HS3ST2: variants seen among roughly 807,000 people sequenced by gnomAD.
The protein encoded by HS3ST2 is heparan sulfate glucosamine 3-O-sulfotransferase 2.
A neutral mutation model predicts 26.3 loss-of-function variants in HS3ST2; 17 were observed. The ratio of observed to expected loss-of-function variants is 0.65; its 90% CI spans 0.44 to 0.97. The LOEUF is 0.97. Ranked by LOEUF, HS3ST2 falls within the 50% of genes least tolerant of loss-of-function variation. The pLI is 0.00. For missense variants in HS3ST2, 402 were observed against 501.2 expected, an observed-to-expected ratio of 0.80 and a Z score of 1.89; for synonymous variants, 237 against 219.2, an observed-to-expected ratio of 1.08 and a Z score of -0.72.
chr16:22,836,145 GA>G (rs1596608704), intron 1 of HS3ST2, among the ~76,000 whole-genome samples: 2 of 151,958 alleles, frequency 1.3e-5, no homozygotes, highest in African/African-American at 4.8e-5. Context: ...TTATGATACT[GA>G]AAAAAAGGAT....
intron 1 of HS3ST2, among the ~76,000 whole-genome samples, chr16:22,833,833 A>G (rs1285368223): frequency 6.6e-6 from 1 of 152,190 alleles, no homozygotes; most frequent in African/African-American, 2.4e-5. Context: ...TAAGCAAACA[A>G]AAAATAAAGA....
chr16:22,861,641 T>C (rs1442654466), intron 1 of HS3ST2, among the ~76,000 whole-genome samples: 1 of 152,066 alleles, frequency 6.6e-6, no homozygotes, highest in African/African-American at 2.4e-5. Flanking sequence ...CAATTTTTAA[T>C]CCAGAGCTGG....
intron 1 of HS3ST2, among the ~76,000 whole-genome samples, chr16:22,891,364 C>A (rs1392647310): frequency 6.6e-6 from 1 of 152,058 alleles, no homozygotes; most frequent in Admixed American, 6.5e-5. Context: ...TTATTTTATC[C>A]CCTTTAATGG....
At chr16:22,832,886 G>T (rs1901195343) in intron 1 of HS3ST2, among the ~76,000 whole-genome samples, 1 of 151,890 alleles carries the variant, frequency 6.6e-6, no homozygotes, top group African/African-American at 2.4e-5. Context: ...CATTCCTGTT[G>T]CTCACCCCAC....
At chr16:22,881,160 T>C (rs1376387188) in intron 1 of HS3ST2, among the ~76,000 whole-genome samples, 1 of 152,216 alleles carries the variant, frequency 6.6e-6, no homozygotes, top group Non-Finnish European at 1.5e-5. Context: ...ACTTCCCTCG[T>C]CTGAAAAGTA....
chr16:22,819,752 A>G (rs560919714), intron 1 of HS3ST2, among the ~76,000 whole-genome samples: 1 of 152,370 alleles, frequency 6.6e-6, no homozygotes, highest in African/African-American at 2.4e-5. Context: ...AAGACAGAAT[A>G]TTTGCCCCAG....
chr16:22,905,003 C>A (rs914893985), intron 1 of HS3ST2, among the ~76,000 whole-genome samples: 1 of 152,162 alleles, frequency 6.6e-6, no homozygotes, highest in Non-Finnish European at 1.5e-5. Flanking sequence ...GTTTTAAGAA[C>A]CAGTTTCTTG....
At chr16:22,887,934 C>A (rs1902083357) in intron 1 of HS3ST2, among the ~76,000 whole-genome samples, 1 of 152,126 alleles carries the variant, frequency 6.6e-6, no homozygotes, top group Non-Finnish European at 1.5e-5. Context: ...ATTCTGGAGA[C>A]TTCATAAGCC....
intron 1 of HS3ST2, among the ~76,000 whole-genome samples, chr16:22,821,614 G>C (rs1476264152): frequency 1.3e-5 from 2 of 152,052 alleles, no homozygotes; most frequent in African/African-American, 2.4e-5. Context: ...GGGACTCACT[G>C]TCTCTGCTGG....
At chr16:22,823,524 T>A (rs925400087) in intron 1 of HS3ST2, among the ~76,000 whole-genome samples, 3 of 151,050 alleles carry the variant, frequency 2.0e-5, no homozygotes, top group Non-Finnish European at 4.4e-5. Flanking sequence ...CTGGGTGCGG[T>A]GGTAATGCCA....
chr16:22,818,885 CATT>C (rs1465464766), intron 1 of HS3ST2, among the ~76,000 whole-genome samples: 1 of 12,842 alleles, frequency 7.8e-5, no homozygotes, highest in African/African-American at 6.1e-4. Context: ...TTCCTTCCTT[CATT>C]CCTTCCTTCC....
At chr16:22,895,413 C>T (rs913272593) in intron 1 of HS3ST2, among the ~76,000 whole-genome samples, 19 of 152,164 alleles carry the variant, frequency 1.2e-4, no homozygotes, top group Non-Finnish European at 1.6e-4. Flanking sequence ...CATTTAATAT[C>T]TTTTTTCCTA....
At chr16:22,815,977 G>GCATAGACTGTT (rs1262788096) in intron 1 of HS3ST2, among the ~76,000 whole-genome samples, 5 of 152,244 alleles carry the variant, frequency 3.3e-5, no homozygotes, top group Non-Finnish European at 5.9e-5. Context: ...AGCCAGTCAT[G>GCATAGACTGTT]CATAGACTGT....
At chr16:22,913,870 C>G (rs116442505) in intron 1 of HS3ST2, among the ~76,000 whole-genome samples, 1,740 of 152,224 alleles carry the variant, frequency 0.011, 31 homozygotes, top group African/African-American at 0.036. Context: ...GGCATGGTGG[C>G]TTACACCTGT....
intron 1 of HS3ST2, among the ~76,000 whole-genome samples, chr16:22,867,908 T>C (rs987349975): frequency 1.3e-5 from 2 of 152,236 alleles, no homozygotes; most frequent in African/African-American, 4.8e-5. Context: ...GTGTCTGATA[T>C]GGGAGATTGG....
chr16:22,893,599 G>C (rs1902160355), intron 1 of HS3ST2, among the ~76,000 whole-genome samples: 1 of 141,706 alleles, frequency 7.1e-6, no homozygotes, highest in South Asian at 2.4e-4. Flanking sequence ...ATCTTGGTGG[G>C]ATTTGGCAGC....
intron 1 of HS3ST2, among the ~76,000 whole-genome samples, chr16:22,911,012 A>G (rs1452252561): frequency 6.6e-6 from 1 of 152,230 alleles, no homozygotes; most frequent in Non-Finnish European, 1.5e-5. Flanking sequence ...GAAAGGATTC[A>G]GGCTGGGAGT....
At chr16:22,876,392 A>G (rs897855482) in intron 1 of HS3ST2, among the ~76,000 whole-genome samples, 1 of 152,238 alleles carries the variant, frequency 6.6e-6, no homozygotes, top group African/African-American at 2.4e-5. Flanking sequence ...AATCAAAACT[A>G]CAATACAATA....
At chr16:22,857,062 C>T (rs1051241369) in intron 1 of HS3ST2, among the ~76,000 whole-genome samples, 1 of 152,098 alleles carries the variant, frequency 6.6e-6, no homozygotes, top group Non-Finnish European at 1.5e-5. Context: ...TCCAGCAACC[C>T]CACAGATACC....
Sources: allele counts gnomAD v4.1 joint callset (sites outside exome capture counted in the v4.1 genomes callset), GRCh38; gene constraint gnomAD v4.1.1; transcripts MANE v1.5; gene names NCBI Gene and HGNC (gene_info 2026-07-23, HGNC 2026-07-21).